The following KCNK2 variants were observed in gnomAD, a reference collection of about 807,000 sequenced individuals.
KCNK2 encodes the protein potassium channel subfamily K member 2.
Under a neutral mutation model 40.5 loss-of-function variants are expected in KCNK2, and 21 were observed. That is an observed-to-expected ratio of 0.52 (90% CI 0.37 to 0.75). KCNK2 has a LOEUF of 0.75. Among genes scored for constraint, KCNK2 ranks in the 30% least tolerant of loss-of-function variants. The probability of loss-of-function intolerance (pLI) is 0.00; values close to 1 mark genes in which losing one functional copy is unlikely to be tolerated. For synonymous variants in KCNK2, 191 were observed against 202.2 expected (o/e 0.94, Z 0.47); for missense variants, 399 against 531.6 (o/e 0.75, Z 2.45).
At chr1:215,073,925 T>G (rs765770407) in intron 1 of KCNK2, among the ~76,000 whole-genome samples, 2 of 152,174 alleles carry the variant, frequency 1.3e-5, no homozygotes, top group Admixed American at 6.5e-5. Context: ...GTCTCTATCC[T>G]GAAGGCAATG....
chr1:215,080,392 T>C (rs1460204314), upstream of KCNK2, among the ~76,000 whole-genome samples: 1 of 152,114 alleles, frequency 6.6e-6, no homozygotes, highest in Non-Finnish European at 1.5e-5. Flanking sequence ...GGAAATTTCA[T>C]CTGGAGAACA....
At chr1:215,160,075 G>T (rs1012054419) in intron 3 of KCNK2, among the ~76,000 whole-genome samples, 12 of 152,296 alleles carry the variant, frequency 7.9e-5, no homozygotes, top group South Asian at 2.1e-4. Flanking sequence ...AAACAGATAT[G>T]CCAGTTAAAT....
chr1:215,033,534 G>A (rs2841586), intron 1 of KCNK2, among the ~76,000 whole-genome samples: 129,441 of 152,136 alleles, frequency 0.85, 55,358 homozygotes, highest in East Asian at 0.99. Flanking sequence ...GAGGAGAAGT[G>A]TTTTACATTG....
chr1:215,176,698 A>G (rs1017846247), intron 5 of KCNK2, among the ~76,000 whole-genome samples: 1 of 152,122 alleles, frequency 6.6e-6, no homozygotes, highest in African/African-American at 2.4e-5. Flanking sequence ...ATAGTATTCC[A>G]TGGTATATAT....
chr1:215,219,332 C>T (rs755807389), intron 6 of KCNK2, among the ~76,000 whole-genome samples: 2 of 152,220 alleles, frequency 1.3e-5, no homozygotes, highest in Non-Finnish European at 2.9e-5. Flanking sequence ...AGATCCAATC[C>T]TGTCCATGCC....
chr1:215,038,761 G>A (rs903109196), intron 1 of KCNK2, among the ~76,000 whole-genome samples: 3 of 151,878 alleles, frequency 2.0e-5, no homozygotes, highest in East Asian at 3.9e-4. Context: ...CTCTCAATTC[G>A]ATCCTTCTTT....
intron 6 of KCNK2, among the ~76,000 whole-genome samples, chr1:215,227,160 T>C (rs1356515908): frequency 6.6e-6 from 1 of 152,262 alleles, no homozygotes; most frequent in Non-Finnish European, 1.5e-5. Flanking sequence ...GAATAGAATA[T>C]GGTGGACATA....
rs1301607029 is a variant in KCNK2 at position 215,113,981 on chromosome 1, AC to A, written c.358-10650del. On this transcript the variant is annotated intron_variant, in intron 2 of 6. Coordinates refer to ENST00000444842, the MANE Select transcript of KCNK2 (RefSeq NM_001017425.3). Reference sequence around the variant, plus strand: ...AGTTAGTCATCTCCTAATGCCCATAACCTTTCCCCTTCATGCCTCTTCTGAA... The same window carrying A: ...AGTTAGTCATCTCCTAATGCCCATAACTTTCCCCTTCATGCCTCTTCTGAA... Among the ~76,000 whole-genome samples the A allele has an allele frequency of 1.1e-4, 17 of 152,182 alleles. No homozygotes were observed. In the South Asian group the frequency reaches 2.5e-3, roughly 22 times the overall value.
intron 5 of KCNK2, among the ~76,000 whole-genome samples, chr1:215,184,295 T>C (rs1381369447): frequency 6.6e-6 from 1 of 152,212 alleles, no homozygotes; most frequent in African/African-American, 2.4e-5. Flanking sequence ...GAAAGTGAGA[T>C]ATAGTGATGA....
chr1:215,205,146 T>C (rs1358211692), intron 6 of KCNK2, among the ~76,000 whole-genome samples: 1 of 152,188 alleles, frequency 6.6e-6, no homozygotes, highest in African/African-American at 2.4e-5. Context: ...CAGATACATA[T>C]TAGGATTGTT....
At chr1:215,132,515 C>A (rs937296077) in intron 3 of KCNK2, among the ~76,000 whole-genome samples, 1 of 152,174 alleles carries the variant, frequency 6.6e-6, no homozygotes, top group African/African-American at 2.4e-5. Flanking sequence ...TCCTACTCTA[C>A]AATCTCATTG....
intron 1 of KCNK2, among the ~76,000 whole-genome samples, chr1:215,047,222 G>T (rs10494990): frequency 0.047 from 7,152 of 152,078 alleles, 522 homozygotes; most frequent in African/African-American, 0.16. Context: ...ATAATAGTGG[G>T]TTTTGGACAA....
At chr1:215,153,549 C>T (rs1005691735) in intron 3 of KCNK2, among the ~76,000 whole-genome samples, 3 of 138,490 alleles carry the variant, frequency 2.2e-5, no homozygotes, top group South Asian at 4.6e-4. Flanking sequence ...GTTCTTCTTT[C>T]GATATATAGC....
At chr1:215,100,933 T>C (rs1660180828) in intron 2 of KCNK2, among the ~76,000 whole-genome samples, 1 of 152,054 alleles carries the variant, frequency 6.6e-6, no homozygotes, top group Non-Finnish European at 1.5e-5. Context: ...GGAAACATAC[T>C]GATTATTTTG....
chr1:215,147,991 T>C (rs547378129), intron 3 of KCNK2, among the ~76,000 whole-genome samples: 1 of 152,220 alleles, frequency 6.6e-6, no homozygotes, highest in Non-Finnish European at 1.5e-5. Context: ...TTGCCCTGTA[T>C]TATTAATGTT....
chr1:215,134,190 G>C (rs148929602), intron 3 of KCNK2, among the ~76,000 whole-genome samples: 261 of 152,218 alleles, frequency 1.7e-3, no homozygotes, highest in South Asian at 2.9e-3. Flanking sequence ...TTTTTCTGCA[G>C]TTCTCCACTG....
chr1:215,012,552 G>GC (rs1348102033), intron 1 of KCNK2, among the ~76,000 whole-genome samples: 1 of 151,204 alleles, frequency 6.6e-6, no homozygotes. Context: ...GTTCACAGCA[G>GC]CCTCTAACTT....
intron 1 of KCNK2, among the ~76,000 whole-genome samples, chr1:215,048,523 C>CACATACA (rs1175099856): frequency 3.3e-5 from 5 of 152,192 alleles, no homozygotes; most frequent in Admixed American, 6.5e-5. Context: ...TAGCAACAAA[C>CACATACA]ACATACAACA....
chr1:215,051,011 T>G (rs945178084), intron 1 of KCNK2, among the ~76,000 whole-genome samples: 1 of 152,210 alleles, frequency 6.6e-6, no homozygotes, highest in Admixed American at 6.5e-5. Flanking sequence ...TTGATCTTGA[T>G]TCAGTACTGT....
Sources: gnomAD v4.1 joint callset for allele counts (sites outside exome capture counted in the v4.1 genomes callset) on GRCh38, gnomAD v4.1.1 for gene constraint, MANE v1.5 for transcripts, NCBI Gene and HGNC (gene_info 2026-07-23, HGNC 2026-07-21) for gene names.